Variants in SCN3A observed in about 807,000 individuals in gnomAD.
The protein encoded by SCN3A is sodium channel protein type 3 subunit alpha.
In SCN3A, 60 loss-of-function variants were observed where a neutral mutation model predicts 187.6. The ratio of observed to expected loss-of-function variants is 0.32; its 90% CI spans 0.26 to 0.40. SCN3A has a LOEUF of 0.40. Ranked by LOEUF, SCN3A falls within the 10% of genes least tolerant of loss-of-function variation. SCN3A has a pLI of 1.00. For missense variants in SCN3A, 1,601 were observed against 2,428.2 expected (o/e 0.66, Z 7.16); for synonymous variants, 788 against 829.2 (o/e 0.95, Z 0.85).
At chr2:165,108,982 C>T (rs1290494273) in intron 21 of SCN3A, among the ~76,000 whole-genome samples, 1 of 152,102 alleles carries the variant, frequency 6.6e-6, no homozygotes, top group Non-Finnish European at 1.5e-5. Context: ...TCCACAACAC[C>T]AATGACCTTC....
chr2:165,195,528 A>C (rs565771010), intron 1 of SCN3A: 1 of 152,306 alleles, frequency 6.6e-6, no homozygotes, highest in African/African-American at 2.4e-5. Context: ...TCTGTCTTCA[A>C]AATTTTTATT....
At chr2:165,159,487 G>A (rs1431754189) in intron 9 of SCN3A, among the ~76,000 whole-genome samples, 1 of 136,280 alleles carries the variant, frequency 7.3e-6, no homozygotes, top group Non-Finnish European at 1.5e-5. Flanking sequence ...CTCCTGAGTA[G>A]CTGGTACCAC....
chr2:165,167,694 C>G (rs950740551), intron 5 of SCN3A, among the ~76,000 whole-genome samples: 2 of 151,868 alleles, frequency 1.3e-5, no homozygotes, highest in Admixed American at 6.6e-5. Context: ...AATGTTGTTA[C>G]GATAAAGAAA....
intron 21 of SCN3A, among the ~76,000 whole-genome samples, chr2:165,102,979 C>T (rs918467918): frequency 3.3e-5 from 5 of 152,122 alleles, no homozygotes; most frequent in African/African-American, 9.7e-5. Flanking sequence ...GATTTTTCCA[C>T]GCAAATTACG....
At position 165,100,418 on chromosome 2, in the gene SCN3A, A is replaced by G; in HGVS notation, c.3850T>C (p.Leu1284=). The G allele has an allele frequency of 6.2e-7, 1 of 1,613,828 alleles. No homozygotes were observed. The highest frequency in any genetic ancestry group is 8.5e-7 in the Non-Finnish European group (1 of 1,179,834). Residue 1284 remains leucine (L), a synonymous_variant, in exon 22 of 28, where the codon TTG becomes CTG. Transcript: ENST00000283254. ...AGAGCATTGGCTACCAGGCTAACCA[A>G]AGAAACCTACAAAAGGAAAAAAAAA... The part of the protein sequence containing the change: ...WLDFLIVDVS[L]VSLVANALGY...
intron 9 of SCN3A, among the ~76,000 whole-genome samples, chr2:165,158,404 C>T (rs1218165264): frequency 2.2e-5 from 3 of 136,976 alleles, no homozygotes; most frequent in Non-Finnish European, 4.5e-5. Context: ...CCAAACCTCA[C>T]AAAAGATTTT....
rs1688455606 is a variant in SCN3A, at chr2:165,148,004, CT to C, written c.1381-976del. On this transcript the variant is annotated intron_variant, in intron 11 of 27. Transcript: ENST00000283254. ...TTAAATTATGACAATATCAGTTAAACTTTTTACATATGTCATCACTAAATAC... is the reference window on the plus strand; with the variant it reads ...TTAAATTATGACAATATCAGTTAAACTTTTACATATGTCATCACTAAATAC... Among the ~76,000 whole-genome samples the C allele has an allele frequency of 7.2e-5, 11 of 152,174 alleles. No individual in the cohort carries two copies. In the South Asian group the frequency reaches 2.3e-3, roughly 32 times the overall value.
intron 15 of SCN3A, among the ~76,000 whole-genome samples, chr2:165,134,677 AT>A (rs1024147233): frequency 1.3e-5 from 2 of 151,658 alleles, no homozygotes; most frequent in East Asian, 1.9e-4. Flanking sequence ...CACATCAAAG[AT>A]TTTTTTTTCA....
chr2:165,150,117 C>G (rs1688608232), intron 11 of SCN3A, among the ~76,000 whole-genome samples: 1 of 152,194 alleles, frequency 6.6e-6, no homozygotes, highest in African/African-American at 2.4e-5. Context: ...ACATTAGGCA[C>G]TTAAATATCA....
chr2:165,154,956 A>C (rs1393888883), intron 10 of SCN3A, among the ~76,000 whole-genome samples: 1 of 152,180 alleles, frequency 6.6e-6, no homozygotes, highest in Non-Finnish European at 1.5e-5. Context: ...ATAATATGAC[A>C]AGTAAGAGCA....
chr2:165,109,055 A>T (rs980440814), intron 21 of SCN3A, among the ~76,000 whole-genome samples: 2 of 152,056 alleles, frequency 1.3e-5, no homozygotes, highest in Non-Finnish European at 2.9e-5. Flanking sequence ...ACTTTTTTTC[A>T]CTGTAGCCTT....
chr2:165,107,688 TG>T (rs764432837), intron 21 of SCN3A, among the ~76,000 whole-genome samples: 15 of 152,336 alleles, frequency 9.8e-5, no homozygotes, highest in Non-Finnish European at 1.2e-4. Context: ...CAAATAGATC[TG>T]TGCCCTATTG....
intron 9 of SCN3A, among the ~76,000 whole-genome samples, chr2:165,160,915 ACAGGTGTGAGC>A: frequency 6.6e-6 from 1 of 152,170 alleles, no homozygotes; most frequent in African/African-American, 2.4e-5. Flanking sequence ...TGCTGGGATT[ACAGGTGTGAGC>A]CACCGCTCCC....
At chr2:165,159,516 C>T (rs529114147) in intron 9 of SCN3A, among the ~76,000 whole-genome samples, 1 of 135,920 alleles carries the variant, frequency 7.4e-6, no homozygotes, top group Non-Finnish European at 1.5e-5. Flanking sequence ...TACACCATGC[C>T]TGGCTAATTT....
chr2:165,126,095 C>T (rs756106252), intron 18 of SCN3A, among the ~76,000 whole-genome samples: 3 of 152,064 alleles, frequency 2.0e-5, no homozygotes, highest in Non-Finnish European at 4.4e-5. Flanking sequence ...TGTTGATACA[C>T]TTATTTAAAA....
In SCN3A at chr2:165,095,661, GA is replaced by G; in HGVS notation, c.4294-14del. The G allele has an allele frequency of 7.9e-7, 1 of 1,270,042 alleles. No individual in the cohort carries two copies. Among genetic ancestry groups the G allele is most frequent in the Non-Finnish European group, 1.1e-6 (1 of 873,932 alleles). The allele number at this position is 1,270,042 out of a possible 1,614,324, so 78.7% of individuals were successfully genotyped here. A position where few individuals can be genotyped will look rare whatever the true frequency, so the allele number is the denominator to read the frequency against. ...GCTGAAGTTTAACCTAAATGATATT[GA>G]AAATATTAAATAATATGAAAAATAC... On this transcript the variant is annotated splice_polypyrimidine_tract_variant and intron_variant, in intron 24 of 27. Transcript: ENST00000283254.
chr2:165,120,395 T>C (rs1348518252), intron 18 of SCN3A, among the ~76,000 whole-genome samples: 1 of 151,978 alleles, frequency 6.6e-6, no homozygotes, highest in Non-Finnish European at 1.5e-5. Flanking sequence ...ATATTGCTCT[T>C]GATTTTTATC....
chr2:165,099,783 A>C (rs1391385463), intron 22 of SCN3A, among the ~76,000 whole-genome samples: 1 of 152,016 alleles, frequency 6.6e-6, no homozygotes, highest in African/African-American at 2.4e-5. Flanking sequence ...AATTACCTTA[A>C]CCCTTCACTT....
intron 12 of SCN3A, among the ~76,000 whole-genome samples, chr2:165,145,922 T>C (rs1451846847): frequency 2.0e-5 from 3 of 152,260 alleles, no homozygotes; most frequent in South Asian, 4.1e-4. Flanking sequence ...CTAATTATTC[T>C]TTACATCAGA....
Sources: gnomAD v4.1 joint callset for allele counts (sites outside exome capture counted in the v4.1 genomes callset) on GRCh38, gnomAD v4.1.1 for gene constraint, MANE v1.5 for transcripts, NCBI Gene and HGNC (gene_info 2026-07-23, HGNC 2026-07-21) for gene names.